The following CACNA1D variants were observed in gnomAD, a reference collection of about 807,000 sequenced individuals.
CACNA1D encodes voltage-dependent L-type calcium channel subunit alpha-1D.
CACNA1D carries 55 observed loss-of-function variants against 257.1 expected under a neutral mutation model. The observed-to-expected ratio is 0.21, with a 90% confidence interval of 0.17 to 0.27. The LOEUF (loss-of-function observed/expected upper bound fraction) is 0.27, where lower values mean the gene tolerates loss of function less well. CACNA1D is among the 10% of genes least tolerant of loss of function. CACNA1D has a pLI of 1.00. For synonymous variants in CACNA1D, 980 were observed against 1,014.9 expected (o/e 0.97, Z 0.65); for missense variants, 1,876 against 2,784.0 (o/e 0.67, Z 7.34).
At chr3:53,742,085 G>T (rs2095123709) in intron 21 of CACNA1D, among the ~76,000 whole-genome samples, 1 of 152,132 alleles carries the variant, frequency 6.6e-6, no homozygotes. Flanking sequence ...CTGAGACGAT[G>T]GTTCCTGGTG....
At chr3:53,593,707 G>C (rs544468024) in intron 3 of CACNA1D, among the ~76,000 whole-genome samples, 3 of 152,332 alleles carry the variant, frequency 2.0e-5, no homozygotes, top group Admixed American at 1.3e-4. Context: ...TGTGGGAAGA[G>C]CAGTGCTCCA....
rs2095009549 is a variant in CACNA1D, at chr3:53,732,681, C to G, written c.2474-134C>G. ...ACACTCAGTCCATGTTCTGAAGGAG[C>G]AGGAGGGTTTTGATTCATGTAAGCA... On this transcript the variant is annotated intron_variant, in intron 18 of 47. Transcript: ENST00000350061. 3 of 827,566 alleles carry G rather than the reference C, an allele frequency of 3.6e-6. No homozygotes were observed. In the Admixed American group the frequency reaches 5.1e-5, roughly 14 times the overall value. 51.3% of individuals were successfully genotyped at this position (827,566 alleles called of 1,614,324 possible).
rs146867788 is a variant in CACNA1D, at chr3:53,670,448, G to A, written c.1117-2575G>A. Reference sequence around the variant, plus strand: ...CAACCTCTGCCTCCGGGGTTCAAGCGATTCTCGTGCCTCAGCCTCCCAAGT... The same window carrying A: ...CAACCTCTGCCTCCGGGGTTCAAGCAATTCTCGTGCCTCAGCCTCCCAAGT... On this transcript the variant is annotated intron_variant, in intron 7 of 47. Coordinates refer to ENST00000350061, the MANE Select transcript of CACNA1D (RefSeq NM_001128840.3). 2.0e-3 allele frequency among the ~76,000 whole-genome samples: 308 copies of A among 152,216 alleles called. 3 individuals carry two copies. Among genetic ancestry groups the A allele is most frequent in the African/African-American group, 6.9e-3 (287 of 41,522 alleles).
intron 3 of CACNA1D, among the ~76,000 whole-genome samples, chr3:53,631,189 G>A (rs760655766): frequency 1.8e-4 from 27 of 152,116 alleles, no homozygotes; most frequent in South Asian, 1.0e-3. Flanking sequence ...CTGTTTGACC[G>A]CATTTTACCC....
At chr3:53,616,067 T>C (rs989472788) in intron 3 of CACNA1D, among the ~76,000 whole-genome samples, 3 of 152,240 alleles carry the variant, frequency 2.0e-5, no homozygotes, top group African/African-American at 4.8e-5. Context: ...TTGATGATCC[T>C]TGGGAAACTT....
At chr3:53,651,366 C>CTTTTTTTTTCTTTTTT (rs2094092034) in intron 4 of CACNA1D, among the ~76,000 whole-genome samples, 1 of 81,836 alleles carries the variant, frequency 1.2e-5, no homozygotes, top group African/African-American at 4.4e-5. Context: ...TATTAATTTT[C>CTTTTTTTTTCTTTTTT]TTTTTTTTTT....
At chr3:53,740,215 TA>T in intron 20 of CACNA1D, 64 bp from the exon 21 acceptor site, 1 of 1,139,402 alleles carries the variant, frequency 8.8e-7, no homozygotes, top group Non-Finnish European at 1.3e-6. Context: ...TTTCTGCCTG[TA>T]AGCATGCAGA....
chr3:53,545,922 C>CT (rs2107550155), intron 3 of CACNA1D, among the ~76,000 whole-genome samples: 1 of 152,252 alleles, frequency 6.6e-6, no homozygotes, highest in South Asian at 2.1e-4. Context: ...ATGCACCCTT[C>CT]TTATAAAGCA....
intron 4 of CACNA1D, among the ~76,000 whole-genome samples, chr3:53,656,356 A>T (rs965196107): frequency 6.6e-6 from 1 of 152,154 alleles, no homozygotes; most frequent in Non-Finnish European, 1.5e-5. Context: ...TGAATCTGTA[A>T]ATTGCTTTGG....
chr3:53,801,123 G>A lies in CACNA1D; in HGVS notation c.5106G>A (p.Gln1702=). The A allele has an allele frequency of 2.5e-6, 4 of 1,613,734 alleles. No individual in the cohort carries two copies. Among genetic ancestry groups the A allele is most frequent in the Non-Finnish European group, 3.4e-6 (4 of 1,179,744 alleles). Residue 1702 remains glutamine (Q), a synonymous_variant, in exon 42 of 48, where the codon CAG becomes CAA. Coordinates refer to ENST00000350061, the MANE Select transcript of CACNA1D (RefSeq NM_001128840.3). The part of the protein sequence containing the change: ...HVNSDRRDSL[Q]QTNTTHRPLH... ...ATAGTGATAGGAGAGATTCCCTTCA[G>A]CAGACCAATACCACCCACCGTCCCC...
rs1278607714 is a variant in CACNA1D, at chr3:53,745,861, C to A, written c.3153C>A (p.Asn1051Lys). 1.9e-6 allele frequency: 3 copies of A among 1,613,430 alleles called. No homozygotes were observed. The highest frequency in any genetic ancestry group is 2.7e-5 in the African/African-American group (2 of 74,896). The change falls in exon 25 of 48, where the codon AAC becomes AAA. Residue 1051 changes from asparagine (N) to lysine (K), a missense_variant. This residue lies in a region of CACNA1D where 271 missense variants were observed against 425.5 expected (regional missense o/e 0.64). Coordinates refer to ENST00000350061, the MANE Select transcript of CACNA1D (RefSeq NM_001128840.3). ...FYRCTDEAKS[N>K]PEECRGLFIL... is the part of the protein sequence containing the mutation. ...GCTGTACGGATGAAGCCAAAAGTAA[C>A]CCTGAAGAATGCAGGTGAGCGTCCT...
Position 53,800,810 on chromosome 3 carries a change from G to T in CACNA1D, c.5041-248G>T. On this transcript the variant is annotated intron_variant, in intron 41 of 47. Transcript: ENST00000350061. This position sits in a 1 kb window ranked among gnomAD's most constrained non-coding sequence, Gnocchi z 4.3. ...TCACCCCAACTTGGAGCAACTGGAA[G>T]AGCACACTCGAGTGACAGCCGACAG... 1 of 585,176 alleles carries T rather than the reference G, an allele frequency of 1.7e-6. No homozygotes were observed. The highest frequency in any genetic ancestry group is 3.1e-6 in the Non-Finnish European group (1 of 327,436). 36.2% of individuals were successfully genotyped at this position (585,176 alleles called of 1,614,324 possible).
chr3:53,779,402 T>G (rs1039509399), intron 37 of CACNA1D, among the ~76,000 whole-genome samples: 8 of 151,636 alleles, frequency 5.3e-5, no homozygotes, highest in African/African-American at 1.9e-4. Context: ...GGTGTATATG[T>G]ATGTATGTGT....
intron 39 of CACNA1D, chr3:53,782,260 G>GTA (rs1462213888): frequency 1.9e-3 from 87 of 46,256 alleles, no homozygotes; most frequent in East Asian, 0.012. Flanking sequence ...GTGTGTGTGT[G>GTA]TGTGTATATA....
rs1044312529 is a variant in CACNA1D at position 53,808,446 on chromosome 3, T to G, written c.5750-203T>G. ...AAAAAAAAGTAGTAAGTTTGTACTT[T>G]AAAAAACATCCCTCACTGGGGCTTC... On this transcript the variant is annotated intron_variant, in intron 45 of 47. Transcript: ENST00000350061. 1.8e-5 allele frequency: 11 copies of G among 611,752 alleles called. No individual in the cohort carries two copies. In the Admixed American group the frequency reaches 3.1e-4, roughly 17 times the overall value. 37.9% of individuals were successfully genotyped at this position (611,752 alleles called of 1,614,324 possible). A position where few individuals can be genotyped will look rare whatever the true frequency, so the allele number is the denominator to read the frequency against.
At position 53,800,214 on chromosome 3, in the gene CACNA1D, T is replaced by C. The variant is rs747935967; in HGVS notation, c.4924-35T>C. The C allele has an allele frequency of 6.9e-7, 1 of 1,450,746 alleles. No homozygotes were observed. Among genetic ancestry groups the C allele is most frequent in the Non-Finnish European group, 9.7e-7 (1 of 1,030,786 alleles). 89.9% of individuals were successfully genotyped at this position (1,450,746 alleles called of 1,614,324 possible). On this transcript the variant is annotated intron_variant, in intron 40 of 47. Coordinates refer to ENST00000350061, the MANE Select transcript of CACNA1D (RefSeq NM_001128840.3). This position sits in a 1 kb window ranked among gnomAD's most constrained non-coding sequence, Gnocchi z 4.3. Reference sequence around the variant, plus strand: ...CCAGGCTGGCCCCAGGGCCCATGTGTGGTCTAACCTGTTCTGCCATTTTCA... The same window carrying C: ...CCAGGCTGGCCCCAGGGCCCATGTGCGGTCTAACCTGTTCTGCCATTTTCA...
At chr3:53,637,221 C>A (rs1033565749) in intron 3 of CACNA1D, among the ~76,000 whole-genome samples, 4 of 152,336 alleles carry the variant, frequency 2.6e-5, no homozygotes, top group South Asian at 4.1e-4. Flanking sequence ...GCTTGCCCTG[C>A]AGACTGGCTT....
chr3:53,604,314 C>G (rs2093480584), intron 3 of CACNA1D, among the ~76,000 whole-genome samples: 1 of 152,230 alleles, frequency 6.6e-6, no homozygotes, highest in Non-Finnish European at 1.5e-5. Context: ...GTGCAGAAGA[C>G]TCACTGAGCA....
intron 4 of CACNA1D, 75 bp downstream of exon 4, chr3:53,650,993 A>C (rs1051457191): frequency 4.5e-6 from 6 of 1,320,534 alleles, no homozygotes; most frequent in East Asian, 2.3e-5. Flanking sequence ...GGTGGTAACA[A>C]AACAGTCTTT....
Sources: gnomAD v4.1 joint callset for allele counts (sites outside exome capture counted in the v4.1 genomes callset) on GRCh38, gnomAD v4.1.1 for gene constraint, gnomAD v4.1.1 regional missense constraint, Gnocchi (gnomAD v3.1) non-coding constraint, MANE v1.5 for transcripts, NCBI Gene and HGNC (gene_info 2026-07-23, HGNC 2026-07-21) for gene names.